CTNNA3: variants seen among roughly 807,000 people sequenced by gnomAD.
CTNNA3 encodes catenin alpha 3, also known as catenin alpha-3.
A neutral mutation model predicts 95.7 loss-of-function variants in CTNNA3; 76 were observed. That is an observed-to-expected ratio of 0.79 (90% CI 0.66 to 0.96). The LOEUF (loss-of-function observed/expected upper bound fraction) is 0.96. Among genes scored for constraint, CTNNA3 ranks in the 40% least tolerant of loss-of-function variants. CTNNA3 has a pLI of 0.00. For missense variants in CTNNA3, 1,191 were observed against 1,089.8 expected (o/e 1.09, Z -1.31); for synonymous variants, 431 against 374.4 (o/e 1.15, Z -1.74).
At chr10:66,867,750 T>C (rs1425631974) in intron 7 of CTNNA3, among the ~76,000 whole-genome samples, 1 of 151,978 alleles carries the variant, frequency 6.6e-6, no homozygotes, top group African/African-American at 2.4e-5. Flanking sequence ...ACATGCAATA[T>C]GAGTCTACTA....
chr10:66,121,860 A>G (rs1462289871), intron 13 of CTNNA3, among the ~76,000 whole-genome samples: 2 of 152,220 alleles, frequency 1.3e-5, no homozygotes, highest in Non-Finnish European at 2.9e-5. Context: ...AAAGTTGCTG[A>G]GGTTTACCAA....
At chr10:66,761,108 C>A (rs994713771) in intron 9 of CTNNA3, among the ~76,000 whole-genome samples, 1 of 152,090 alleles carries the variant, frequency 6.6e-6, no homozygotes, top group Non-Finnish European at 1.5e-5. Context: ...ACTTGAACAG[C>A]ATTCTGTCAA....
In CTNNA3 at chr10:66,360,769, T is replaced by TTC. The variant is rs1564896996; in HGVS notation, c.1732+18382_1732+18383insGA. On this transcript the variant is annotated intron_variant, in intron 12 of 17. Transcript: ENST00000433211. ...CTTCCTTCCTTCCTTCCTTCCTTCCTTTTCTTTCTTTCTTTCTTCCTTCCT... is the reference window on the plus strand; with the variant it reads ...CTTCCTTCCTTCCTTCCTTCCTTCCTTCTTTCTTTCTTTCTTTCTTCCTTCCT... Among the ~76,000 whole-genome samples the TTC allele has an allele frequency of 1.5e-3, 105 of 67,866 alleles. 7 individuals carry two copies. The highest frequency in any genetic ancestry group is 0.011 in the East Asian group (11 of 1,012). 44.5% of individuals were successfully genotyped at this position (67,866 alleles called of 152,430 possible). A position where few individuals can be genotyped will look rare whatever the true frequency, so the allele number is the denominator to read the frequency against.
chr10:66,514,741 T>C (rs1208089566), intron 11 of CTNNA3, among the ~76,000 whole-genome samples: 1 of 152,170 alleles, frequency 6.6e-6, no homozygotes, highest in Non-Finnish European at 1.5e-5. Flanking sequence ...AAAGAAAGGT[T>C]GTATTTTTAC....
intron 7 of CTNNA3, among the ~76,000 whole-genome samples, chr10:66,814,182 G>A (rs1841989250): frequency 6.6e-6 from 1 of 151,192 alleles, no homozygotes; most frequent in East Asian, 2.0e-4. Context: ...AGAAACGTCA[G>A]AGGCAGTAAT....
At chr10:67,027,608 T>C (rs1408191512) in intron 7 of CTNNA3, among the ~76,000 whole-genome samples, 1 of 151,994 alleles carries the variant, frequency 6.6e-6, no homozygotes, top group Non-Finnish European at 1.5e-5. Flanking sequence ...CTAACTTTTT[T>C]GTATTTTTAG....
At chr10:66,805,350 G>A (rs1014015986) in intron 7 of CTNNA3, among the ~76,000 whole-genome samples, 2 of 151,322 alleles carry the variant, frequency 1.3e-5, no homozygotes, top group African/African-American at 4.9e-5. Context: ...TCCTGACACA[G>A]CTAATGTTCA....
At chr10:66,691,064 G>T (rs1847512539) in intron 9 of CTNNA3, among the ~76,000 whole-genome samples, 1 of 152,192 alleles carries the variant, frequency 6.6e-6, no homozygotes, top group Non-Finnish European at 1.5e-5. Flanking sequence ...ATTTCCATCT[G>T]AGGTACCAGG....
intron 7 of CTNNA3, among the ~76,000 whole-genome samples, chr10:66,913,011 G>A (rs959025681): frequency 1.3e-5 from 2 of 151,790 alleles, no homozygotes; most frequent in Admixed American, 6.6e-5. Flanking sequence ...AGGCCGAGGC[G>A]GGCGGATCAC....
chr10:67,735,823 T>C (rs1326164168), intron 1 of CTNNA3, among the ~76,000 whole-genome samples: 1 of 152,146 alleles, frequency 6.6e-6, no homozygotes, highest in African/African-American at 2.4e-5. Flanking sequence ...CCCAAGAGAA[T>C]ACCTGAAAAC....
intron 17 of CTNNA3, among the ~76,000 whole-genome samples, chr10:65,929,637 C>T (rs1320224987): frequency 6.6e-6 from 1 of 150,724 alleles, no homozygotes; most frequent in African/African-American, 2.4e-5. Context: ...GGCGCAATCT[C>T]GGCTCACTGC....
intron 2 of CTNNA3, among the ~76,000 whole-genome samples, chr10:67,622,105 C>T (rs74142854): frequency 0.13 from 20,188 of 152,122 alleles, 2,403 homozygotes; most frequent in African/African-American, 0.32. Flanking sequence ...GAAATAGCCC[C>T]GGGGAGTCTA....
At chr10:66,786,859 G>A (rs1032852816) in intron 7 of CTNNA3, among the ~76,000 whole-genome samples, 8 of 152,058 alleles carry the variant, frequency 5.3e-5, no homozygotes, top group African/African-American at 1.9e-4. Flanking sequence ...TGGTGTTCAA[G>A]TCAGTTAAGT....
chr10:66,953,317 T>C (rs1848631616), intron 7 of CTNNA3, among the ~76,000 whole-genome samples: 1 of 152,184 alleles, frequency 6.6e-6, no homozygotes, highest in Non-Finnish European at 1.5e-5. Context: ...CCACCAATAA[T>C]TCAAGTTATT....
chr10:66,132,653 G>A (rs1225233114), intron 13 of CTNNA3, among the ~76,000 whole-genome samples: 2 of 152,108 alleles, frequency 1.3e-5, no homozygotes, highest in Non-Finnish European at 2.9e-5. Context: ...CAAACTAAAT[G>A]CTCATCAATG....
Position 67,211,894 on chromosome 10 carries a change from T to C in CTNNA3, c.843+7713A>G, listed in dbSNP as rs148513027. ...GCTCCTCTATAAAGTACACAATAAC[T>C]CCTGACCTATGTGCTCTATGAAGCA... On this transcript the variant is annotated intron_variant, in intron 6 of 17. Coordinates refer to ENST00000433211, the MANE Select transcript of CTNNA3 (RefSeq NM_013266.4). Among the ~76,000 whole-genome samples the C allele has an allele frequency of 2.0e-5, 3 of 152,192 alleles. No individual in the cohort carries two copies. The East Asian group carries it at 5.8e-4, about 29-fold the overall frequency.
intron 7 of CTNNA3, among the ~76,000 whole-genome samples, chr10:66,808,407 C>T (rs1430724969): frequency 6.6e-6 from 1 of 152,152 alleles, no homozygotes; most frequent in African/African-American, 2.4e-5. Context: ...TCTGACCATA[C>T]TCAGTGTTGG....
chr10:67,162,780 A>T (rs1439065760), intron 7 of CTNNA3, among the ~76,000 whole-genome samples: 1 of 151,874 alleles, frequency 6.6e-6, no homozygotes, highest in East Asian at 1.9e-4. Flanking sequence ...AAAAGAGAAG[A>T]TACAAATTTT....
At chr10:67,386,382 T>G (rs1368149468) in intron 5 of CTNNA3, among the ~76,000 whole-genome samples, 4 of 152,218 alleles carry the variant, frequency 2.6e-5, no homozygotes, top group Non-Finnish European at 5.9e-5. Flanking sequence ...CTCACAGGTC[T>G]CAGGCTACTC....
Sources: allele counts gnomAD v4.1 joint callset (sites outside exome capture counted in the v4.1 genomes callset), GRCh38; gene constraint gnomAD v4.1.1; transcripts MANE v1.5; gene names NCBI Gene and HGNC (gene_info 2026-07-23, HGNC 2026-07-21).